Variants in KCNIP3 observed in about 807,000 individuals in gnomAD.
The protein encoded by KCNIP3 is potassium voltage-gated channel interacting protein 3.
A neutral mutation model predicts 35.0 loss-of-function variants in KCNIP3; 28 were observed. That is an observed-to-expected ratio of 0.80 (90% CI 0.59 to 1.10). KCNIP3 has a LOEUF of 1.10. KCNIP3 is among the 50% of genes least tolerant of loss of function. The pLI is 0.00. For missense variants in KCNIP3, 295 were observed against 338.4 expected, an observed-to-expected ratio of 0.87 and a Z score of 1.01; for synonymous variants, 134 against 133.8, an observed-to-expected ratio of 1.00 and a Z score of -0.01.
At position 95,348,787 on chromosome 2, in the gene KCNIP3, G is replaced by A. The variant is rs372773295; in HGVS notation, c.182-25509G>A. The stretch of plus-strand genomic sequence containing the variant: ...GGAGTTCTGGGGTCTTGATCCAGTT[G>A]GGGGAGCTCAGAGCCTCAGAGTCAG... On this transcript the variant is annotated intron_variant, in intron 2 of 8. Transcript: ENST00000295225. Among the ~76,000 whole-genome samples, 6 of 152,258 alleles carry A rather than the reference G, an allele frequency of 3.9e-5. No homozygotes were observed. In the East Asian group the frequency reaches 1.2e-3, roughly 29 times the overall value.
intron 2 of KCNIP3, 126 bp downstream of exon 2, chr2:95,310,646 T>C: frequency 9.9e-7 from 1 of 1,014,534 alleles, no homozygotes; most frequent in Non-Finnish European, 1.5e-6. Context: ...CTGTCTCTAT[T>C]GGAGGTGTGT....
rs1001786667 is a variant in KCNIP3 at position 95,384,107 on chromosome 2, C to T, written c.*58C>T. On this transcript the variant is annotated 3_prime_UTR_variant, in exon 9 of 9. Transcript: ENST00000295225. ...CCTCCACCCCCAAGAAACCTCCATC[C>T]TGCCAGGAGCAGCCTCCAAGAAACT... 1 of 1,510,886 alleles carries T rather than the reference C, an allele frequency of 6.6e-7. No homozygotes were observed. Among genetic ancestry groups the T allele is most frequent in the South Asian group, 1.1e-5 (1 of 88,740 alleles). The allele number at this position is 1,510,886 out of a possible 1,614,324, so 93.6% of individuals were successfully genotyped here. A position where few individuals can be genotyped will look rare whatever the true frequency, so the allele number is the denominator to read the frequency against.
At chr2:95,372,770 T>C (rs1489183566) in intron 2 of KCNIP3, among the ~76,000 whole-genome samples, 1 of 152,102 alleles carries the variant, frequency 6.6e-6, no homozygotes, top group African/African-American at 2.4e-5. Context: ...GGAAGCAACC[T>C]GAGGGTAAGG....
At chr2:95,350,530 G>A (rs1169200361) in intron 2 of KCNIP3, among the ~76,000 whole-genome samples, 2 of 152,182 alleles carry the variant, frequency 1.3e-5, no homozygotes, top group Non-Finnish European at 2.9e-5. Flanking sequence ...TCCACCTCCT[G>A]CTGGCGAACC....
intron 2 of KCNIP3, among the ~76,000 whole-genome samples, chr2:95,345,409 C>T (rs1679321306): frequency 6.6e-6 from 1 of 152,268 alleles, no homozygotes; most frequent in South Asian, 2.1e-4. Context: ...AGGGGGCCCT[C>T]GCAGCCACGC....
Position 95,378,965 on chromosome 2 carries a change from G to T in KCNIP3, c.448-2631G>T, listed in dbSNP as rs190066793. Among the ~76,000 whole-genome samples, 40 of 151,458 alleles carry T rather than the reference G, an allele frequency of 2.6e-4. No individual in the cohort carries two copies. Among genetic ancestry groups the T allele is most frequent in the Middle Eastern group, 3.4e-3 (1 of 290 alleles). Reference sequence around the variant, plus strand: ...TGACTGGAGTCCAACACATTCGCAGGGTGCACGTTGGAAAACCAGCAGGTG... The same window carrying T: ...TGACTGGAGTCCAACACATTCGCAGTGTGCACGTTGGAAAACCAGCAGGTG... On this transcript the variant is annotated intron_variant, in intron 5 of 8. Transcript: ENST00000295225. This position sits in a 1 kb window ranked among gnomAD's most constrained non-coding sequence, Gnocchi z 4.0.
At chr2:95,373,403 A>C (rs1680085249) in intron 2 of KCNIP3, among the ~76,000 whole-genome samples, 1 of 150,602 alleles carries the variant, frequency 6.6e-6, no homozygotes, top group South Asian at 2.1e-4. Context: ...TGGTTAGTTA[A>C]CAAGTTTGTG....
intron 2 of KCNIP3, among the ~76,000 whole-genome samples, chr2:95,326,360 A>T (rs182323907): frequency 1.3e-5 from 2 of 152,126 alleles, no homozygotes; most frequent in Admixed American, 6.6e-5. Flanking sequence ...ATAAACACAC[A>T]CCCCAGTACA....
At chr2:95,311,409 A>C (rs927349271) in intron 2 of KCNIP3, 1 of 152,268 alleles carries the variant, frequency 6.6e-6, no homozygotes, top group African/African-American at 2.4e-5. Context: ...AAAGGTGCAG[A>C]CTTGCCCTTG....
intron 2 of KCNIP3, chr2:95,346,636 G>C (rs950039649): frequency 6.9e-6 from 1 of 144,296 alleles, no homozygotes; most frequent in African/African-American, 2.5e-5. Context: ...CCCGGCGCCC[G>C]CGGGGCTGGA....
At chr2:95,347,131 T>TGGCC (rs1303254979) in intron 2 of KCNIP3, 1 of 1,605,798 alleles carries the variant, frequency 6.2e-7, no homozygotes, top group Non-Finnish European at 8.5e-7. Context: ...AGGTAACGCG[T>TGGCC]GGCCACTTGC....
chr2:95,350,135 C>T (rs1679476753), intron 2 of KCNIP3, among the ~76,000 whole-genome samples: 1 of 152,200 alleles, frequency 6.6e-6, no homozygotes. Flanking sequence ...TCCCTGGAGC[C>T]TTGCTGGTGG....
intron 2 of KCNIP3, among the ~76,000 whole-genome samples, chr2:95,360,230 A>G (rs763714606): frequency 2.6e-5 from 4 of 152,114 alleles, no homozygotes; most frequent in Non-Finnish European, 5.9e-5. Context: ...CCATAAACAT[A>G]AAGCCACTGG....
intron 2 of KCNIP3, chr2:95,368,818 C>A (rs1679977657): frequency 4.5e-6 from 1 of 221,606 alleles, no homozygotes. Flanking sequence ...TTTGATGACC[C>A]TTCATGTCGT....
chr2:95,357,297 G>A (rs1286488868), intron 2 of KCNIP3, among the ~76,000 whole-genome samples: 1 of 152,206 alleles, frequency 6.6e-6, no homozygotes, highest in East Asian at 1.9e-4. Flanking sequence ...TGGACCTTCT[G>A]TGGAACCCTA....
chr2:95,309,351 C>T (rs1375971142), intron 1 of KCNIP3, among the ~76,000 whole-genome samples: 1 of 151,688 alleles, frequency 6.6e-6, no homozygotes, highest in Non-Finnish European at 1.5e-5. Context: ...AGAGCAAATC[C>T]TGCTGCCCTG....
intron 2 of KCNIP3, among the ~76,000 whole-genome samples, chr2:95,341,334 C>G (rs1029166588): frequency 5.9e-5 from 9 of 152,198 alleles, no homozygotes; most frequent in African/African-American, 2.2e-4. Context: ...ATACCAGCAC[C>G]ACGCTGCCTG....
At chr2:95,316,400 T>C (rs1192208984) in intron 2 of KCNIP3, among the ~76,000 whole-genome samples, 1 of 152,184 alleles carries the variant, frequency 6.6e-6, no homozygotes, top group Non-Finnish European at 1.5e-5. Context: ...TGAACTTGCA[T>C]ATAACAGAAA....
At chr2:95,341,421 A>G (rs1467673609) in intron 2 of KCNIP3, among the ~76,000 whole-genome samples, 1 of 152,188 alleles carries the variant, frequency 6.6e-6, no homozygotes, top group Non-Finnish European at 1.5e-5. Context: ...TCTTTATAGC[A>G]ATGTGAGAAT....
Sources: allele counts gnomAD v4.1 joint callset (sites outside exome capture counted in the v4.1 genomes callset), GRCh38; gene constraint gnomAD v4.1.1; non-coding constraint Gnocchi (gnomAD v3.1); transcripts MANE v1.5; gene names NCBI Gene and HGNC (gene_info 2026-07-23, HGNC 2026-07-21).